Variants in IGF2R observed in about 807,000 individuals in gnomAD.
IGF2R encodes the protein insulin like growth factor 2 receptor, also known as cation-independent mannose-6-phosphate receptor.
In IGF2R, 91 loss-of-function variants were observed where a neutral mutation model predicts 270.6. The ratio of observed to expected loss-of-function variants is 0.34; its 90% CI spans 0.28 to 0.40. The LOEUF (loss-of-function observed/expected upper bound fraction) is 0.40, where lower values mean the gene tolerates loss of function less well. Ranked by LOEUF, IGF2R falls within the 10% of genes least tolerant of loss-of-function variation. The probability of loss-of-function intolerance (pLI) is 1.00; values close to 1 mark genes in which losing one functional copy is unlikely to be tolerated. For synonymous variants in IGF2R, 1,316 were observed against 1,258.9 expected, an observed-to-expected ratio of 1.05 and a Z score of -0.96; for missense variants, 2,805 against 3,188.3, an observed-to-expected ratio of 0.88 and a Z score of 2.90.
At position 160,016,137 on chromosome 6, in the gene IGF2R, G is replaced by T. The variant is rs1011189588; in HGVS notation, c.513+5352G>T. 7.9e-5 allele frequency among the ~76,000 whole-genome samples: 12 copies of T among 152,198 alleles called. 2 individuals are homozygous for T. Among genetic ancestry groups the T allele is most frequent in the Admixed American group, 7.9e-4 (12 of 15,286 alleles). ...CTGGCTTTTTTGGCCTGCTGCCAGC[G>T]ATGGGCCACAGGTGGGAGACTCACT... On this transcript the variant is annotated intron_variant, in intron 4 of 47. Coordinates refer to ENST00000356956, the MANE Select transcript of IGF2R (RefSeq NM_000876.4).
chr6:159,969,968 C>T (rs958429489), intron 1 of IGF2R, among the ~76,000 whole-genome samples: 1 of 151,572 alleles, frequency 6.6e-6, no homozygotes, highest in Non-Finnish European at 1.5e-5. Flanking sequence ...TTTTAGCAGG[C>T]GGTGACTTTT....
chr6:160,070,660 T>C (rs1042181748), intron 31 of IGF2R, among the ~76,000 whole-genome samples: 2 of 151,930 alleles, frequency 1.3e-5, no homozygotes, highest in African/African-American at 4.8e-5. Flanking sequence ...TGCATACAGG[T>C]TTTTCTGTGT....
At chr6:160,030,870 C>A (rs1481517270) in intron 7 of IGF2R, among the ~76,000 whole-genome samples, 1 of 150,904 alleles carries the variant, frequency 6.6e-6, no homozygotes, top group Non-Finnish European at 1.5e-5. Context: ...GTCGCCCCGG[C>A]CGGAGTGCAG....
chr6:160,040,663 C>T lies in IGF2R; in HGVS notation c.1419C>T (p.Leu473=). 1.2e-6 allele frequency: 2 copies of T among 1,614,192 alleles called. No homozygotes were observed. Among genetic ancestry groups the T allele is most frequent in the Non-Finnish European group, 1.7e-6 (2 of 1,180,030 alleles). ...CCTGTGTTAAGGAGAAGGAAGACCT[C>T]CTCTGCGGTGCCACCGACGGGAAGA... ...EYACVKEKED[L]LCGATDGKKR... is the part of the protein sequence containing the mutation. The change falls in exon 11 of 48, where the codon CTC becomes CTT. Residue 473 remains leucine, a synonymous_variant. Coordinates refer to ENST00000356956, the MANE Select transcript of IGF2R (RefSeq NM_000876.4).
intron 47 of IGF2R, among the ~76,000 whole-genome samples, 185 bp downstream of exon 47, chr6:160,104,000 C>G (rs1457424600): frequency 6.6e-6 from 1 of 151,908 alleles, no homozygotes; most frequent in Non-Finnish European, 1.5e-5. Context: ...TTTTTTCCCT[C>G]AAGTTTCTCT....
rs200135195 is a variant in IGF2R at position 160,025,527 on chromosome 6, A to G, written c.646+823A>G. On this transcript the variant is annotated intron_variant, in intron 5 of 47. Transcript: ENST00000356956. The stretch of plus-strand genomic sequence containing the variant: ...ACTCAATACATGGAAGTATTGCTGG[A>G]TAGTAGATGAGTATTAATTTATGAT... Among the ~76,000 whole-genome samples, 15 of 152,360 alleles carry G rather than the reference A, an allele frequency of 9.8e-5. No homozygotes were observed. In the East Asian group the frequency reaches 2.9e-3, roughly 29 times the overall value.
rs773485154 is a variant in IGF2R, at chr6:160,024,629, A to G, written c.571A>G (p.Lys191Glu). 1 of 1,614,086 alleles carries G rather than the reference A, an allele frequency of 6.2e-7. No individual in the cohort carries two copies. ...LRKHDLNPLI[K>E]LSGAYLVDDS... ...GAAGCATGATCTCAATCCTCTGATCAAGCTTAGTGGTGCCTACTTGGTGGA... is the reference window on the plus strand; with the variant it reads ...GAAGCATGATCTCAATCCTCTGATCGAGCTTAGTGGTGCCTACTTGGTGGA... The change falls in exon 5 of 48, where the codon AAG (lysine) becomes GAG (glutamate). Residue 191 changes from lysine (K) to glutamate (E), a missense_variant. Lys to Glu is a moderately conservative substitution (Grantham distance 56, BLOSUM62 1). This residue lies in a region of IGF2R where 954 missense variants were observed against 981.1 expected (regional missense o/e 0.97). Coordinates refer to ENST00000356956, the MANE Select transcript of IGF2R (RefSeq NM_000876.4).
At chr6:160,082,001 G>A (rs1027119536) in intron 39 of IGF2R, among the ~76,000 whole-genome samples, 126 of 152,292 alleles carry the variant, frequency 8.3e-4, no homozygotes, top group African/African-American at 2.9e-3. Flanking sequence ...GAAGATGATG[G>A]GATTAAGAGA....
chr6:160,071,240 T>TGGAGG (rs1778724883), intron 31 of IGF2R, among the ~76,000 whole-genome samples: 3 of 106,004 alleles, frequency 2.8e-5, no homozygotes, highest in African/African-American at 1.2e-4. Context: ...TGGGGGTGTG[T>TGGAGG]CGAGGCCCCT....
chr6:159,990,525 T>C (rs1019809964), intron 1 of IGF2R, among the ~76,000 whole-genome samples: 37 of 152,250 alleles, frequency 2.4e-4, no homozygotes, highest in Non-Finnish European at 4.4e-5. Flanking sequence ...TTAAACCTCT[T>C]TCCTTTATAA....
intron 1 of IGF2R, among the ~76,000 whole-genome samples, chr6:159,990,830 A>G (rs1783966829): frequency 6.6e-6 from 1 of 152,120 alleles, no homozygotes; most frequent in African/African-American, 2.4e-5. Context: ...GGGTTTCATT[A>G]TGTTGGCCAG....
rs879466786 is a variant in IGF2R, at chr6:160,044,432, C to CTG, written c.1622-81_1622-80insGT. 1.1e-5 allele frequency: 12 copies of CTG among 1,048,566 alleles called. No homozygotes were observed. In the African/African-American group the frequency reaches 1.8e-4, roughly 16 times the overall value. The allele number at this position is 1,048,566 out of a possible 1,614,324, so 65.0% of individuals were successfully genotyped here. ...TTTCTTTCTTTCTTTCTCTTTCTTT[C>CTG]TTTTTTTTTTAAGTCACTTCTTTGT... On this transcript the variant is annotated intron_variant, in intron 12 of 47. Transcript: ENST00000356956.
intron 4 of IGF2R, among the ~76,000 whole-genome samples, chr6:160,015,796 T>C (rs1335876343): frequency 6.6e-6 from 1 of 152,210 alleles, no homozygotes; most frequent in African/African-American, 2.4e-5. Context: ...GGGTCCCTCA[T>C]GAATGGTCTA....
intron 1 of IGF2R, among the ~76,000 whole-genome samples, chr6:159,980,810 TG>T (rs1783788246): frequency 6.6e-6 from 1 of 152,192 alleles, no homozygotes; most frequent in Non-Finnish European, 1.5e-5. Flanking sequence ...AATTCTGCGC[TG>T]GGGGCTGGAT....
At chr6:160,090,155 G>A in intron 44 of IGF2R, 52 bp downstream of exon 44, 1 of 1,331,492 alleles carries the variant, frequency 7.5e-7, no homozygotes, top group Admixed American at 3.0e-5. Flanking sequence ...CCAAGGAAGG[G>A]GATTAAAATT....
In IGF2R at chr6:160,010,720, G is replaced by T; in HGVS notation, c.448G>T (p.Val150Leu). 1 of 1,610,896 alleles carries T rather than the reference G, an allele frequency of 6.2e-7. No homozygotes were observed. The highest frequency in any genetic ancestry group is 8.5e-7 in the Non-Finnish European group (1 of 1,177,230). Residue 150 changes from valine to leucine, a missense_variant, in exon 4 of 48, where the codon GTG becomes TTG. This residue lies in a region of IGF2R where 954 missense variants were observed against 981.1 expected (regional missense o/e 0.97). Transcript: ENST00000356956. ...TGAATTTGTAACTGCAACAGAATGT[G>T]TGCACTACTTTGAGTGGAGGACCAC... ...TPEFVTATEC[V>L]HYFEWRTTAA...
chr6:160,040,147 A>G (rs1178397277), intron 10 of IGF2R, among the ~76,000 whole-genome samples: 1 of 152,144 alleles, frequency 6.6e-6, no homozygotes, highest in Non-Finnish European at 1.5e-5. Flanking sequence ...TGCACAGGGA[A>G]CTAGAGCTCC....
In IGF2R at chr6:160,050,313, G is replaced by T. The variant is rs1288498885; in HGVS notation, c.2515-160G>T. Among the ~76,000 whole-genome samples, 1 of 152,182 alleles carries T rather than the reference G, an allele frequency of 6.6e-6. No homozygotes were observed. Among genetic ancestry groups the T allele is most frequent in the Non-Finnish European group, 1.5e-5 (1 of 68,026 alleles). On this transcript the variant is annotated intron_variant, in intron 18 of 47. Coordinates refer to ENST00000356956, the MANE Select transcript of IGF2R (RefSeq NM_000876.4). This position sits in a 1 kb window ranked among gnomAD's most constrained non-coding sequence, Gnocchi z 4.0. ...AGTTGTTGTTAACTCTTTGAGGATG[G>T]TTTCCTATTCCATATGTAATAAGGG...
rs1363612758 is a variant in IGF2R at position 159,969,315 on chromosome 6, G to C, written c.69G>C (p.Leu23=). ...CCGCCCGCCGCCCGCAGCGCTCTCT[G>C]CTCCTGCTGCAGCTGCTGCTGCTCG... is the stretch of plus-strand genomic sequence containing the variant. ...PAPARRPQRS[L]LLLQLLLLVA... is the part of the protein sequence containing the mutation. Residue 23 remains leucine, a synonymous_variant, in exon 1 of 48, where the codon CTG becomes CTC. Coordinates refer to ENST00000356956, the MANE Select transcript of IGF2R (RefSeq NM_000876.4). 7.0e-6 allele frequency: 9 copies of C among 1,292,524 alleles called. 1 individual carries two copies. The East Asian group carries it at 2.7e-4, about 38-fold the overall frequency. 80.1% of individuals were successfully genotyped at this position (1,292,524 alleles called of 1,614,324 possible). A position where few individuals can be genotyped will look rare whatever the true frequency, so the allele number is the denominator to read the frequency against.
Sources: gnomAD v4.1 joint callset for allele counts (sites outside exome capture counted in the v4.1 genomes callset) on GRCh38, gnomAD v4.1.1 for gene constraint, gnomAD v4.1.1 regional missense constraint, Gnocchi (gnomAD v3.1) non-coding constraint, MANE v1.5 for transcripts, NCBI Gene and HGNC (gene_info 2026-07-23, HGNC 2026-07-21) for gene names.